The following CCDC57 variants were observed in gnomAD, a reference collection of about 807,000 sequenced individuals.
CCDC57 encodes coiled-coil domain containing 57.
In CCDC57, 118 loss-of-function variants were observed where a neutral mutation model predicts 118.9. The ratio of observed to expected loss-of-function variants is 0.99; its 90% CI spans 0.86 to 1.16. CCDC57 has a LOEUF of 1.16. Ranked by LOEUF, CCDC57 falls within the 50% of genes most tolerant of loss-of-function variation. CCDC57 has a pLI of 0.00. For missense variants in CCDC57, 1,300 were observed against 1,320.7 expected (o/e 0.98, Z 0.24); for synonymous variants, 527 against 532.9 (o/e 0.99, Z 0.15).
At chr17:82,201,926 C>G (rs751255877) in exon 3 of CCDC57, 6 of 1,597,758 alleles carry the variant, frequency 3.8e-6, no homozygotes, top group Admixed American at 1.7e-5. Context: ...AGGGCGGGCT[C>G]TGAGCCCAGT....
At chr17:82,129,630 C>T (rs1378162752) in intron 17 of CCDC57, among the ~76,000 whole-genome samples, 5 of 152,198 alleles carry the variant, frequency 3.3e-5, no homozygotes, top group Admixed American at 2.6e-4. Context: ...GCCCCCCGGG[C>T]TTCGTCCCCA....
At chr17:82,147,182 G>A (rs2145701268) in intron 16 of CCDC57, among the ~76,000 whole-genome samples, 1 of 151,506 alleles carries the variant, frequency 6.6e-6, no homozygotes, top group Admixed American at 6.6e-5. Context: ...GGTGGGATAA[G>A]TGGTTGGATA....
chr17:82,163,301 C>T (rs928674112), exon 14 of CCDC57: 2 of 1,613,910 alleles, frequency 1.2e-6, no homozygotes, highest in Non-Finnish European at 8.5e-7. Flanking sequence ...TGGACAGATC[C>T]TCCTGCTTGA....
At chr17:82,209,558 C>A (rs1395309438) in intron 1 of CCDC57, among the ~76,000 whole-genome samples, 1 of 152,178 alleles carries the variant, frequency 6.6e-6, no homozygotes, top group Non-Finnish European at 1.5e-5. Flanking sequence ...TTATAGCTCA[C>A]TGCAGCCTCA....
At chr17:82,130,810 T>C (rs1239726043) in intron 17 of CCDC57, among the ~76,000 whole-genome samples, 2 of 148,730 alleles carry the variant, frequency 1.3e-5, no homozygotes, top group Non-Finnish European at 3.0e-5. Context: ...AGCTCCTTTT[T>C]TTTGGGGGGG....
At chr17:82,109,638 A>G (rs2035108051) in intron 19 of CCDC57, among the ~76,000 whole-genome samples, 1 of 152,060 alleles carries the variant, frequency 6.6e-6, no homozygotes, top group East Asian at 1.9e-4. Flanking sequence ...CAGGTGGATC[A>G]CGAGGTCAGG....
rs1027653916 is a variant in CCDC57, at chr17:82,178,710, G to C, written c.1375-105C>G. On this transcript the variant is annotated intron_variant, in intron 10 of 19. Transcript: ENST00000665763. Reference sequence around the variant, plus strand: ...TAGGTGGGAGATGCTCAGAGCACCAGGCTCCCCACTGTGGCCAGGCCGCCA... The same window carrying C: ...TAGGTGGGAGATGCTCAGAGCACCACGCTCCCCACTGTGGCCAGGCCGCCA... The C allele has an allele frequency of 6.8e-6, 10 of 1,478,710 alleles. No homozygotes were observed. The African/African-American group carries it at 9.7e-5, about 14-fold the overall frequency. 91.6% of individuals were successfully genotyped at this position (1,478,710 alleles called of 1,614,324 possible).
At chr17:82,149,449 G>A (rs1173553337) in intron 16 of CCDC57, among the ~76,000 whole-genome samples, 1 of 152,090 alleles carries the variant, frequency 6.6e-6, no homozygotes, top group Non-Finnish European at 1.5e-5. Flanking sequence ...CTCCACCTCA[G>A]TCAGGAGACA....
chr17:82,188,498 T>G (rs1280603274), intron 7 of CCDC57, 79 bp from the exon 7 acceptor site: 2 of 1,415,786 alleles, frequency 1.4e-6, no homozygotes. Flanking sequence ...AGGCGTTCAT[T>G]GCCCTGTCTC....
chr17:82,123,274 T>G (rs929938808), intron 19 of CCDC57, among the ~76,000 whole-genome samples: 1 of 149,140 alleles, frequency 6.7e-6, no homozygotes, highest in African/African-American at 2.5e-5. Flanking sequence ...ATTACAGGCA[T>G]GAACCAGTGT....
chr17:82,113,167 A>G, intron 19 of CCDC57: 1 of 552,552 alleles, frequency 1.8e-6, no homozygotes. Flanking sequence ...TTTCTCAGAA[A>G]GTTCCAAGAC....
chr17:82,202,457 CAAAA>C (rs1264175436), intron 2 of CCDC57, among the ~76,000 whole-genome samples: 2 of 143,764 alleles, frequency 1.4e-5, no homozygotes, highest in East Asian at 2.1e-4. Flanking sequence ...ACAAAATAAA[CAAAA>C]AAAAAAGGCC....
At chr17:82,116,094 G>A (rs1372465763) in intron 19 of CCDC57, among the ~76,000 whole-genome samples, 3 of 136,920 alleles carry the variant, frequency 2.2e-5, no homozygotes, top group Admixed American at 1.5e-4. Flanking sequence ...ACCGCGCCCG[G>A]CCACAACCTT....
At chr17:82,171,564 G>C in intron 13 of CCDC57, 137 bp downstream of exon 12, 3 of 842,864 alleles carry the variant, frequency 3.6e-6, no homozygotes, top group Non-Finnish European at 5.4e-6. Flanking sequence ...GGAGCACAAG[G>C]GGCTGCTGGG....
At chr17:82,127,670 C>G (rs772576742) in intron 19 of CCDC57, 22 bp downstream of exon 18, 2 of 1,576,792 alleles carry the variant, frequency 1.3e-6, no homozygotes, top group Non-Finnish European at 1.7e-6. Context: ...GTGGGCAGCT[C>G]CTGGGGAGGG....
chr17:82,168,785 A>G (rs948959475), intron 13 of CCDC57, among the ~76,000 whole-genome samples: 3 of 107,056 alleles, frequency 2.8e-5, no homozygotes, highest in African/African-American at 9.3e-5. Context: ...ATAAGGGTCA[A>G]TTATCCTAAA....
At chr17:82,206,611 C>T (rs1320739466) in intron 2 of CCDC57, among the ~76,000 whole-genome samples, 3 of 152,168 alleles carry the variant, frequency 2.0e-5, no homozygotes. Flanking sequence ...CCTTACGCAT[C>T]TCCTCATCTG....
chr17:82,150,305 C>T (rs1173679199), intron 16 of CCDC57, among the ~76,000 whole-genome samples: 7 of 142,234 alleles, frequency 4.9e-5, no homozygotes, highest in Non-Finnish European at 1.1e-4. Context: ...TGGTGCACAC[C>T]CAGAACCAGG....
rs1047400416 is a variant in CCDC57 at position 82,155,427 on chromosome 17, A to G, written c.2241+2321T>C. 2.6e-5 allele frequency: 4 copies of G among 152,222 alleles called. No homozygotes were observed. In the East Asian group the frequency reaches 5.8e-4, roughly 22 times the overall value. 9.4% of individuals were successfully genotyped at this position (152,222 alleles called of 1,614,324 possible). ...ATTGTGGTCTTCAACGTCACTGCCTATTGGCCTAGTTCTGGTCCTTGGGGA... is the reference window on the plus strand; with the variant it reads ...ATTGTGGTCTTCAACGTCACTGCCTGTTGGCCTAGTTCTGGTCCTTGGGGA... On this transcript the variant is annotated intron_variant, in intron 15 of 19. Coordinates refer to ENST00000665763, the Ensembl canonical transcript of CCDC57.
Sources: gnomAD v4.1 joint callset for allele counts (sites outside exome capture counted in the v4.1 genomes callset) on GRCh38, gnomAD v4.1.1 for gene constraint, MANE v1.5 for transcripts, NCBI Gene and HGNC (gene_info 2026-07-23, HGNC 2026-07-21) for gene names.